SLC46A1: variants seen among roughly 807,000 people sequenced by gnomAD.
SLC46A1 encodes proton-coupled folate transporter.
A neutral mutation model predicts 32.1 loss-of-function variants in SLC46A1; 17 were observed. The observed-to-expected ratio is 0.53, with a 90% CI of 0.36 to 0.79. The LOEUF is 0.79. SLC46A1 is among the 30% of genes least tolerant of loss of function. The pLI, the probability that SLC46A1 is intolerant of heterozygous loss-of-function variation, is 0.00. For synonymous variants in SLC46A1, 240 were observed against 262.7 expected (o/e 0.91, Z 0.84); for missense variants, 517 against 588.2 (o/e 0.88, Z 1.25).
In SLC46A1 at chr17:28,399,658, A is replaced by G. The variant is rs1555589075; in HGVS notation, c.1378T>C (p.Ter460ArgextTer14). The G allele has an allele frequency of 2.5e-6, 4 of 1,613,938 alleles. No homozygotes were observed. Among genetic ancestry groups the G allele is most frequent in the Non-Finnish European group, 3.4e-6 (4 of 1,179,874 alleles). The stretch of plus-strand genomic sequence containing the variant: ...CTCTGTCTTCTGGTCCAGGCAGATC[A>G]GGGGCTCTGGGGAAACTGCTGGAAC... ...LEFQQFPQSP[*>R] The change falls in exon 5 of 5, where the codon TGA becomes CGA. Residue 460 changes from the stop codon to arginine (R), a stop_lost. Coordinates refer to ENST00000612814, the MANE Select transcript of SLC46A1 (RefSeq NM_080669.6).
At position 28,406,197 on chromosome 17, in the gene SLC46A1, G is replaced by A; in HGVS notation, c.-83C>T. 2 of 1,112,286 alleles carry A rather than the reference G, an allele frequency of 1.8e-6. No homozygotes were observed. The highest frequency in any genetic ancestry group is 2.3e-6 in the Non-Finnish European group (2 of 857,168). The allele number at this position is 1,112,286 out of a possible 1,614,324, so 68.9% of individuals were successfully genotyped here. A position where few individuals can be genotyped will look rare whatever the true frequency, so the allele number is the denominator to read the frequency against. The stretch of plus-strand genomic sequence containing the variant: ...GCCTGGGACCAGCGACGCGTGGCGT[G>A]GGGCTTGCGCTGTCTGCGCCTGCGC... On this transcript the variant is annotated 5_prime_UTR_variant, in exon 1 of 5. Transcript: ENST00000612814. The surrounding 1 kb of genome is among the most constrained non-coding windows in gnomAD (Gnocchi z 4.5).
rs886052738 is a variant in SLC46A1 at position 28,395,697 on chromosome 17, G to A, written c.*3959C>T. The A allele has an allele frequency of 1.8e-6, 1 of 560,820 alleles. No homozygotes were observed. The allele number at this position is 560,820 out of a possible 1,614,324, so 34.7% of individuals were successfully genotyped here. A position where few individuals can be genotyped will look rare whatever the true frequency, so the allele number is the denominator to read the frequency against. ...CACTCAAGAGATTCCAAGGGTTTTAGCAGCTCTGTGCCAGGAACTCTGGGC... is the reference window on the plus strand; with the variant it reads ...CACTCAAGAGATTCCAAGGGTTTTAACAGCTCTGTGCCAGGAACTCTGGGC... On this transcript the variant is annotated 3_prime_UTR_variant, in exon 5 of 5. Coordinates refer to ENST00000612814, the MANE Select transcript of SLC46A1 (RefSeq NM_080669.6).
chr17:28,402,135 G>C, intron 3 of SLC46A1, 103 bp downstream of exon 3: 1 of 973,410 alleles, frequency 1.0e-6, no homozygotes, highest in East Asian at 2.7e-5. Context: ...TCCAGGGTGA[G>C]AGGGGGGAAG....
In SLC46A1 at chr17:28,395,745, A is replaced by G; in HGVS notation, c.*3911T>C. On this transcript the variant is annotated 3_prime_UTR_variant, in exon 5 of 5. Coordinates refer to ENST00000612814, the MANE Select transcript of SLC46A1 (RefSeq NM_080669.6). The stretch of plus-strand genomic sequence containing the variant: ...GGCAAAGGAAAAATATTTATTTTTT[A>G]TTACACTACAAGGGTTAAGGTAGAC... 1.5e-6 allele frequency: 1 copy of G among 686,856 alleles called. No individual in the cohort carries two copies. The highest frequency in any genetic ancestry group is 2.4e-6 in the Non-Finnish European group (1 of 409,078). The allele number at this position is 686,856 out of a possible 1,614,324, so 42.5% of individuals were successfully genotyped here. A position where few individuals can be genotyped will look rare whatever the true frequency, so the allele number is the denominator to read the frequency against.
Position 28,404,632 on chromosome 17 carries a change from C to G in SLC46A1, c.1065G>C (p.Thr355=). The change falls in exon 2 of 5, where the codon ACG becomes ACC. Residue 355 remains threonine, a synonymous_variant. Coordinates refer to ENST00000612814, the MANE Select transcript of SLC46A1 (RefSeq NM_080669.6). ...ACACTTTACCTGTGAACATGAGAGG[C>G]GTGATAGTGGCAAAGGCAAAGACCA... The part of the protein sequence containing the change: ...GMVVFAFATI[T]PLMFTGYGLL... 1 of 1,610,352 alleles carries G rather than the reference C, an allele frequency of 6.2e-7. No homozygotes were observed. The highest frequency in any genetic ancestry group is 8.5e-7 in the Non-Finnish European group (1 of 1,177,308).
Position 28,405,106 on chromosome 17 carries a change from G to A in SLC46A1, c.591C>T (p.Leu197=), listed in dbSNP as rs782397444. 7.4e-6 allele frequency: 12 copies of A among 1,613,734 alleles called. No homozygotes were observed. Among genetic ancestry groups the A allele is most frequent in the Middle Eastern group, 3.3e-4 (2 of 6,062 alleles). ...GGGCCCGGAGCCAGTGGCCCCCGAG[G>A]AGGCTTGCCAGCATCCCAGCCACCC... ...SIGVAGMLAS[L]LGGHWLRAQG... is the part of the protein sequence containing the mutation. Residue 197 remains leucine (L), a synonymous_variant, in exon 2 of 5, where the codon CTC becomes CTT. Coordinates refer to ENST00000612814, the MANE Select transcript of SLC46A1 (RefSeq NM_080669.6).
chr17:28,396,187 T>C lies in SLC46A1; in HGVS notation c.*3469A>G. The stretch of plus-strand genomic sequence containing the variant: ...CCCACGAATACCAGGAGGCCACCAT[T>C]GAGAAGATCATCCGCTTCCTGCAGG... On this transcript the variant is annotated 3_prime_UTR_variant, in exon 5 of 5. Coordinates refer to ENST00000612814, the MANE Select transcript of SLC46A1 (RefSeq NM_080669.6). 1 of 1,613,942 alleles carries C rather than the reference T, an allele frequency of 6.2e-7. No homozygotes were observed. Among genetic ancestry groups the C allele is most frequent in the Non-Finnish European group, 8.5e-7 (1 of 1,179,846 alleles).
In SLC46A1 at chr17:28,396,543, G is replaced by A. The variant is rs1028577849; in HGVS notation, c.*3113C>T. The A allele has an allele frequency of 3.8e-5, 20 of 530,052 alleles. No individual in the cohort carries two copies. The highest frequency in any genetic ancestry group is 1.3e-4 in the Admixed American group (4 of 31,496). 32.8% of individuals were successfully genotyped at this position (530,052 alleles called of 1,614,324 possible). A position where few individuals can be genotyped will look rare whatever the true frequency, so the allele number is the denominator to read the frequency against. ...CCCTGCCATTGGGTTGTCTGTCTCC[G>A]TCATGGGGAGGGTCCCTGCTCAGTT... is the stretch of plus-strand genomic sequence containing the variant. On this transcript the variant is annotated 3_prime_UTR_variant, in exon 5 of 5. Transcript: ENST00000612814.
chr17:28,402,684 A>T (rs567849178), intron 2 of SLC46A1: 2 of 194,534 alleles, frequency 1.0e-5, no homozygotes, highest in South Asian at 2.2e-4. Context: ...TGATGCCATT[A>T]CATATTATCT....
Position 28,405,481 on chromosome 17 carries a change from A to G in SLC46A1, c.229-13T>C, listed in dbSNP as rs533610738. 6.3e-7 allele frequency: 1 copy of G among 1,595,620 alleles called. No individual in the cohort carries two copies. The highest frequency in any genetic ancestry group is 1.1e-5 in the South Asian group (1 of 87,898). The stretch of plus-strand genomic sequence containing the variant: ...GGGTCTCCACTTCCTGTAGGGGCAC[A>G]ATGACCAGGGTGCGGTTCCTCACTC... On this transcript the variant is annotated splice_polypyrimidine_tract_variant and intron_variant, in intron 1 of 4. Coordinates refer to ENST00000612814, the MANE Select transcript of SLC46A1 (RefSeq NM_080669.6).
chr17:28,400,326 T>C lies in SLC46A1; in HGVS notation c.1322+284A>G. 9.3e-6 allele frequency: 4 copies of C among 428,108 alleles called. No individual in the cohort carries two copies. In the South Asian group the frequency reaches 9.8e-5, roughly 10 times the overall value. 26.5% of individuals were successfully genotyped at this position (428,108 alleles called of 1,614,324 possible). A position where few individuals can be genotyped will look rare whatever the true frequency, so the allele number is the denominator to read the frequency against. ...AGTTCTGCTGCCATAGTTCCATCTATAAAATGGGAATGGAGGGAAATAGGG... is the reference window on the plus strand; with the variant it reads ...AGTTCTGCTGCCATAGTTCCATCTACAAAATGGGAATGGAGGGAAATAGGG... On this transcript the variant is annotated intron_variant, in intron 4 of 4. Transcript: ENST00000612814.
intron 1 of SLC46A1, 55 bp downstream of exon 1, chr17:28,405,832 C>T (rs2068254491): frequency 6.7e-7 from 1 of 1,500,864 alleles, no homozygotes; most frequent in Non-Finnish European, 9.0e-7. Flanking sequence ...CCTCCGCTGC[C>T]CCCACGCTCC....
chr17:28,399,524 C>G lies in SLC46A1; in HGVS notation c.*132G>C, dbSNP rs782524976. On this transcript the variant is annotated 3_prime_UTR_variant, in exon 5 of 5. Transcript: ENST00000612814. ...TGGTGCCTTGGTCTCTCTTGACTAC[C>G]TCGTCCAAAGAGAGCACTGCCCTTA... 1 of 881,156 alleles carries G rather than the reference C, an allele frequency of 1.1e-6. No individual in the cohort carries two copies. Among genetic ancestry groups the G allele is most frequent in the East Asian group, 2.6e-5 (1 of 37,930 alleles). The allele number at this position is 881,156 out of a possible 1,614,324, so 54.6% of individuals were successfully genotyped here. A position where few individuals can be genotyped will look rare whatever the true frequency, so the allele number is the denominator to read the frequency against.
rs569526091 is a variant in SLC46A1, at chr17:28,396,804, G to A, written c.*2852C>T. ...GCCCCTGCACTTACAACTTCCTGCC[G>A]CTCTGTGGCCTTGCCCTGTAATCAC... is the stretch of plus-strand genomic sequence containing the variant. On this transcript the variant is annotated 3_prime_UTR_variant, in exon 5 of 5. Coordinates refer to ENST00000612814, the MANE Select transcript of SLC46A1 (RefSeq NM_080669.6). 363 of 156,252 alleles carry A rather than the reference G, an allele frequency of 2.3e-3. No individual in the cohort carries two copies. Among genetic ancestry groups the A allele is most frequent in the Non-Finnish European group, 3.6e-3 (251 of 70,560 alleles). 9.7% of individuals were successfully genotyped at this position (156,252 alleles called of 1,614,324 possible).
At position 28,397,603 on chromosome 17, in the gene SLC46A1, A is replaced by T. The variant is rs1386976999; in HGVS notation, c.*2053T>A. 1.3e-5 allele frequency: 2 copies of T among 152,202 alleles called. No homozygotes were observed. The highest frequency in any genetic ancestry group is 4.8e-5 in the African/African-American group (2 of 41,438). 9.4% of individuals were successfully genotyped at this position (152,202 alleles called of 1,614,324 possible). A position where few individuals can be genotyped will look rare whatever the true frequency, so the allele number is the denominator to read the frequency against. ...TGGCACCCAGTCCACTGGCAGTGGA[A>T]TTGCTTTCCTGAGAATCATTCTGAG... On this transcript the variant is annotated 3_prime_UTR_variant, in exon 5 of 5. Transcript: ENST00000612814.
chr17:28,404,591 C>A (rs939966757), intron 2 of SLC46A1, 25 bp downstream of exon 2: 2 of 1,609,308 alleles, frequency 1.2e-6, no homozygotes, highest in Admixed American at 1.7e-5. Context: ...CTGGGACAAG[C>A]TGTCCCTGAG....
chr17:28,394,920 G>A lies in SLC46A1; in HGVS notation c.*4736C>T, dbSNP rs2068101965. ...TTGGTTATAGATTGCTACATTCCAA[G>A]GAAGATGACTTTATTACCCCCTGAG... On this transcript the variant is annotated 3_prime_UTR_variant, in exon 5 of 5. Transcript: ENST00000612814. 6.6e-6 allele frequency: 1 copy of A among 152,020 alleles called. No homozygotes were observed. The highest frequency in any genetic ancestry group is 2.4e-5 in the African/African-American group (1 of 41,376). 9.4% of individuals were successfully genotyped at this position (152,020 alleles called of 1,614,324 possible).
At position 28,396,388 on chromosome 17, in the gene SLC46A1, C is replaced by A; in HGVS notation, c.*3268G>T. On this transcript the variant is annotated 3_prime_UTR_variant, in exon 5 of 5. Coordinates refer to ENST00000612814, the MANE Select transcript of SLC46A1 (RefSeq NM_080669.6). ...TCTCCCTGGGCTGAGACAACCTGGG[C>A]TCTTCTTAGGAAATGGCTCTCCCTC... 1.4e-6 allele frequency: 2 copies of A among 1,432,988 alleles called. No individual in the cohort carries two copies. The highest frequency in any genetic ancestry group is 1.8e-5 in the Admixed American group (1 of 55,190). 88.8% of individuals were successfully genotyped at this position (1,432,988 alleles called of 1,614,324 possible). A position where few individuals can be genotyped will look rare whatever the true frequency, so the allele number is the denominator to read the frequency against.
Position 28,395,480 on chromosome 17 carries a change from G to T in SLC46A1, c.*4176C>A. On this transcript the variant is annotated 3_prime_UTR_variant, in exon 5 of 5. Coordinates refer to ENST00000612814, the MANE Select transcript of SLC46A1 (RefSeq NM_080669.6). Reference sequence around the variant, plus strand: ...GTAGGCATGATTGATTAAATCATTGGCCATTGGTGATTGAACTCAATCTCC... The same window carrying T: ...GTAGGCATGATTGATTAAATCATTGTCCATTGGTGATTGAACTCAATCTCC... 1 of 173,370 alleles carries T rather than the reference G, an allele frequency of 5.8e-6. No homozygotes were observed. Among genetic ancestry groups the T allele is most frequent in the Non-Finnish European group, 1.2e-5 (1 of 80,204 alleles). The allele number at this position is 173,370 out of a possible 1,614,324, so 10.7% of individuals were successfully genotyped here.
Sources: gnomAD v4.1 joint callset for allele counts on GRCh38, gnomAD v4.1.1 for gene constraint, Gnocchi (gnomAD v3.1) non-coding constraint, MANE v1.5 for transcripts, NCBI Gene and HGNC (gene_info 2026-07-23, HGNC 2026-07-21) for gene names.